The following EEPD1 variants were observed in gnomAD, a reference collection of about 807,000 sequenced individuals.
The protein encoded by EEPD1 is endonuclease/exonuclease/phosphatase family domain-containing protein 1.
In EEPD1, 17 loss-of-function variants were observed where a neutral mutation model predicts 46.3. The observed-to-expected ratio is 0.37, with a 90% CI of 0.25 to 0.55. EEPD1 has a LOEUF of 0.55. Among genes scored for constraint, EEPD1 ranks in the 20% least tolerant of loss-of-function variants. The pLI, the probability that EEPD1 is intolerant of heterozygous loss-of-function variation, is 0.83. For synonymous variants in EEPD1, 313 were observed against 315.6 expected (o/e 0.99, Z 0.09); for missense variants, 673 against 745.6 (o/e 0.90, Z 1.13).
chr7:36,216,323 C>A (rs746869490), intron 2 of EEPD1, among the ~76,000 whole-genome samples: 3 of 152,022 alleles, frequency 2.0e-5, no homozygotes, highest in African/African-American at 4.8e-5. Flanking sequence ...GTCACCATTG[C>A]TCACTGGTTC....
intron 2 of EEPD1, among the ~76,000 whole-genome samples, chr7:36,186,283 A>G: frequency 6.6e-6 from 1 of 151,462 alleles, no homozygotes; most frequent in South Asian, 2.1e-4. Context: ...CTCAAAATCT[A>G]CCTCTGCAGT....
Position 36,164,404 on chromosome 7 carries a change from A to G in EEPD1, c.878+9202A>G, listed in dbSNP as rs551250954. On this transcript the variant is annotated intron_variant, in intron 2 of 7. Coordinates refer to ENST00000242108, the MANE Select transcript of EEPD1 (RefSeq NM_030636.3). ...GGTAAGCACATGATGCCCTACTCAC[A>G]GCTGATCAAGCCAAGTGTACTCATT... 5.5e-3 allele frequency among the ~76,000 whole-genome samples: 842 copies of G among 152,346 alleles called. 7 individuals are homozygous for G. The highest frequency in any genetic ancestry group is 0.02 in the African/African-American group (813 of 41,584).
chr7:36,214,281 T>C (rs1030548743), intron 2 of EEPD1, among the ~76,000 whole-genome samples: 7 of 152,170 alleles, frequency 4.6e-5, no homozygotes, highest in Non-Finnish European at 8.8e-5. Context: ...GAAGTTCACA[T>C]AGTAAACTGA....
At chr7:36,178,006 G>A (rs1264711407) in intron 2 of EEPD1, among the ~76,000 whole-genome samples, 3 of 152,104 alleles carry the variant, frequency 2.0e-5, no homozygotes, top group East Asian at 1.9e-4. Context: ...GAGCCACCGC[G>A]CCTGGCACCT....
intron 2 of EEPD1, among the ~76,000 whole-genome samples, chr7:36,178,077 A>T (rs759408): frequency 0.45 from 68,542 of 152,044 alleles, 15,932 homozygotes; most frequent in East Asian, 0.71. Flanking sequence ...AAGGTAAGTC[A>T]TTTAAGCCCT....
intron 3 of EEPD1, among the ~76,000 whole-genome samples, chr7:36,248,994 A>AAAACACACAC (rs1786687462): frequency 1.5e-5 from 2 of 135,352 alleles, no homozygotes; most frequent in East Asian, 4.5e-4. Context: ...TGGTTCATTA[A>AAAACACACAC]ACACACACAC....
chr7:36,297,849 C>G (rs981590735), intron 7 of EEPD1, among the ~76,000 whole-genome samples: 6 of 152,204 alleles, frequency 3.9e-5, no homozygotes, highest in Admixed American at 3.3e-4. Flanking sequence ...ATGGAAGAGA[C>G]AGTAGGGTCT....
intron 2 of EEPD1, among the ~76,000 whole-genome samples, chr7:36,216,205 C>T (rs1305877143): frequency 6.6e-6 from 1 of 152,168 alleles, no homozygotes; most frequent in Non-Finnish European, 1.5e-5. Flanking sequence ...GGTTCCAAAG[C>T]TCAGCTAAGT....
At chr7:36,166,022 G>A (rs536553140) in intron 2 of EEPD1, among the ~76,000 whole-genome samples, 2 of 152,320 alleles carry the variant, frequency 1.3e-5, no homozygotes, top group South Asian at 2.1e-4. Flanking sequence ...CAGGCAGGGG[G>A]ATGGGACTAG....
intron 3 of EEPD1, among the ~76,000 whole-genome samples, chr7:36,246,013 T>C (rs1189001601): frequency 6.6e-6 from 1 of 152,242 alleles, no homozygotes; most frequent in Admixed American, 6.5e-5. Flanking sequence ...TACAGCTTGA[T>C]TTAGAAAGAT....
intron 2 of EEPD1, among the ~76,000 whole-genome samples, chr7:36,175,569 A>G (rs1269194735): frequency 6.6e-6 from 1 of 151,598 alleles, no homozygotes; most frequent in Non-Finnish European, 1.5e-5. Context: ...TATTAGAGTC[A>G]CATTTAGTTG....
chr7:36,186,840 A>G (rs995270224), intron 2 of EEPD1, among the ~76,000 whole-genome samples: 5 of 152,258 alleles, frequency 3.3e-5, no homozygotes, highest in African/African-American at 9.6e-5. Context: ...TATTATTGGA[A>G]ATGTTAAATA....
At chr7:36,213,715 C>T (rs1244851925) in intron 2 of EEPD1, among the ~76,000 whole-genome samples, 1 of 152,172 alleles carries the variant, frequency 6.6e-6, no homozygotes, top group Non-Finnish European at 1.5e-5. Flanking sequence ...GCCTTAACTA[C>T]CCCTTACCCC....
intron 3 of EEPD1, among the ~76,000 whole-genome samples, chr7:36,270,255 T>C (rs1477646680): frequency 6.6e-6 from 1 of 152,202 alleles, no homozygotes; most frequent in Non-Finnish European, 1.5e-5. Flanking sequence ...TGACTCTCTA[T>C]TTTATAAATT....
At chr7:36,272,125 C>T (rs1258112749) in intron 3 of EEPD1, among the ~76,000 whole-genome samples, 1 of 151,908 alleles carries the variant, frequency 6.6e-6, no homozygotes, top group Non-Finnish European at 1.5e-5. Context: ...TCAAGTGATC[C>T]ACCTGCCTCA....
chr7:36,206,696 A>C (rs1785823872), intron 2 of EEPD1, among the ~76,000 whole-genome samples: 1 of 152,216 alleles, frequency 6.6e-6, no homozygotes, highest in Non-Finnish European at 1.5e-5. Flanking sequence ...AATTATTTAC[A>C]TTTTCACAGG....
At chr7:36,198,599 G>A (rs891377689) in intron 2 of EEPD1, among the ~76,000 whole-genome samples, 15 of 152,202 alleles carry the variant, frequency 9.9e-5, no homozygotes, top group Non-Finnish European at 5.9e-5. Flanking sequence ...GCTCTTTGGG[G>A]CATCACGCAT....
At chr7:36,197,861 C>G (rs1346337385) in intron 2 of EEPD1, among the ~76,000 whole-genome samples, 1 of 151,496 alleles carries the variant, frequency 6.6e-6, no homozygotes, top group Non-Finnish European at 1.5e-5. Context: ...CCAAATCCCC[C>G]TCTGCGAGAA....
chr7:36,207,636 C>T (rs73338937), intron 2 of EEPD1, among the ~76,000 whole-genome samples: 5,191 of 152,238 alleles, frequency 0.034, 314 homozygotes, highest in African/African-American at 0.12. Flanking sequence ...AGAACCTGCT[C>T]GATCAGGTGA....
Sources: gnomAD v4.1 joint callset for allele counts (sites outside exome capture counted in the v4.1 genomes callset) on GRCh38, gnomAD v4.1.1 for gene constraint, MANE v1.5 for transcripts, NCBI Gene and HGNC (gene_info 2026-07-23, HGNC 2026-07-21) for gene names.